GTF2F2: variants seen among roughly 807,000 people sequenced by gnomAD.
GTF2F2 encodes the protein ATP-dependent helicase GTF2F2.
Under a neutral mutation model 42.2 loss-of-function variants are expected in GTF2F2, and 23 were observed. The observed-to-expected ratio is 0.55, with a 90% CI of 0.39 to 0.77. GTF2F2 has a LOEUF of 0.77. Ranked by LOEUF, GTF2F2 falls within the 30% of genes least tolerant of loss-of-function variation. The pLI, the probability that GTF2F2 is intolerant of heterozygous loss-of-function variation, is 0.00. For synonymous variants in GTF2F2, 105 were observed against 100.8 expected, an observed-to-expected ratio of 1.04 and a Z score of -0.25; for missense variants, 261 against 287.2, an observed-to-expected ratio of 0.91 and a Z score of 0.66.
intron 5 of GTF2F2, among the ~76,000 whole-genome samples, chr13:45,218,996 G>A (rs1251097714): frequency 6.6e-6 from 1 of 152,120 alleles, no homozygotes; most frequent in East Asian, 1.9e-4. Context: ...TTTCTAAGTA[G>A]AGAAAGAGAA....
At chr13:45,183,609 G>A (rs2138159279) in intron 4 of GTF2F2, among the ~76,000 whole-genome samples, 1 of 152,194 alleles carries the variant, frequency 6.6e-6, no homozygotes, top group Non-Finnish European at 1.5e-5. Context: ...GTTTAATTTG[G>A]GTGTAGTTGC....
chr13:45,222,220 C>T lies in GTF2F2; in HGVS notation c.386+14715C>T, dbSNP rs191815509. Among the ~76,000 whole-genome samples, 24 of 152,188 alleles carry T rather than the reference C, an allele frequency of 1.6e-4. No individual in the cohort carries two copies. In the East Asian group the frequency reaches 4.2e-3, roughly 27 times the overall value. On this transcript the variant is annotated intron_variant, in intron 5 of 7. Coordinates refer to ENST00000340473, the MANE Select transcript of GTF2F2 (RefSeq NM_004128.3). ...TAGTGCTCAGTAAGTATTCATTGCA[C>T]GAATGAATGTTTATCATAACCTTTT...
chr13:45,155,675 T>C (rs1308351915), intron 4 of GTF2F2, among the ~76,000 whole-genome samples: 1 of 152,216 alleles, frequency 6.6e-6, no homozygotes, highest in African/African-American at 2.4e-5. Context: ...AGTGTTCCTG[T>C]CTGAGAGAAT....
At chr13:45,122,046 A>G (rs1442325102) in intron 1 of GTF2F2, among the ~76,000 whole-genome samples, 1 of 152,182 alleles carries the variant, frequency 6.6e-6, no homozygotes, top group Non-Finnish European at 1.5e-5. Flanking sequence ...AGTGTATACC[A>G]TGGGGAATGG....
At chr13:45,131,211 A>G (rs1346355500) in intron 1 of GTF2F2, among the ~76,000 whole-genome samples, 1 of 141,030 alleles carries the variant, frequency 7.1e-6, no homozygotes. Flanking sequence ...TCAGTCTCAG[A>G]AAAAAAAAAA....
At chr13:45,164,277 C>CA (rs150777733) in intron 4 of GTF2F2, among the ~76,000 whole-genome samples, 2,207 of 117,690 alleles carry the variant, frequency 0.019, 21 homozygotes, top group Non-Finnish European at 0.026. Context: ...GAGACAGTCT[C>CA]AAAAAAAAAA....
intron 4 of GTF2F2, among the ~76,000 whole-genome samples, chr13:45,168,695 C>T (rs1373262070): frequency 6.6e-6 from 1 of 152,068 alleles, no homozygotes; most frequent in Non-Finnish European, 1.5e-5. Context: ...TCATGGCACC[C>T]CCTACCTCTG....
chr13:45,207,417 A>G lies in GTF2F2; in HGVS notation c.305-7A>G, dbSNP rs768640656. ...TATCTCTGAATCCTTTTTTTTTTCC[A>G]TTCAAGATAAGCTGTCATTGGAAGG... On this transcript the variant is annotated splice_polypyrimidine_tract_variant and splice_region_variant and intron_variant, in intron 4 of 7. Coordinates refer to ENST00000340473, the MANE Select transcript of GTF2F2 (RefSeq NM_004128.3). The G allele has an allele frequency of 3.2e-6, 5 of 1,561,456 alleles. No homozygotes were observed. The South Asian group carries it at 4.5e-5, about 14-fold the overall frequency.
chr13:45,122,836 T>A (rs1224186768), intron 1 of GTF2F2, among the ~76,000 whole-genome samples: 2 of 152,216 alleles, frequency 1.3e-5, no homozygotes, highest in Non-Finnish European at 2.9e-5. Flanking sequence ...TCACGGTTTA[T>A]AGATCATCTT....
chr13:45,236,915 A>G (rs1334297525), intron 5 of GTF2F2, among the ~76,000 whole-genome samples: 1 of 152,184 alleles, frequency 6.6e-6, no homozygotes, highest in East Asian at 1.9e-4. Context: ...ATATTGAGAA[A>G]AATAATTTTT....
intron 4 of GTF2F2, among the ~76,000 whole-genome samples, chr13:45,184,553 T>C (rs567136369): frequency 6.6e-6 from 1 of 151,968 alleles, no homozygotes; most frequent in Non-Finnish European, 1.5e-5. Context: ...GTAGCTAGCC[T>C]TTTTTCCCTT....
At chr13:45,129,349 A>G (rs921842676) in intron 1 of GTF2F2, among the ~76,000 whole-genome samples, 3 of 152,156 alleles carry the variant, frequency 2.0e-5, no homozygotes, top group African/African-American at 4.8e-5. Context: ...AGCTGGGACT[A>G]CAGGCACACA....
At chr13:45,173,706 C>T (rs1365165537) in intron 4 of GTF2F2, among the ~76,000 whole-genome samples, 1 of 150,718 alleles carries the variant, frequency 6.6e-6, no homozygotes, top group Non-Finnish European at 1.5e-5. Context: ...CAAGCTCCGC[C>T]TCCCAGGTTC....
chr13:45,150,860 C>T (rs1189367286), intron 3 of GTF2F2, among the ~76,000 whole-genome samples: 2 of 151,994 alleles, frequency 1.3e-5, no homozygotes, highest in Non-Finnish European at 2.9e-5. Flanking sequence ...AATAATCTTA[C>T]TCCTGTTTTG....
At chr13:45,207,073 G>A (rs1275455956) in intron 4 of GTF2F2, 1 of 181,226 alleles carries the variant, frequency 5.5e-6, no homozygotes, top group Non-Finnish European at 1.2e-5. Flanking sequence ...TAGACTAGCT[G>A]TGTTTTCAGA....
intron 2 of GTF2F2, among the ~76,000 whole-genome samples, chr13:45,141,255 A>G (rs1177452550): frequency 2.6e-5 from 4 of 152,230 alleles, no homozygotes; most frequent in African/African-American, 9.6e-5. Flanking sequence ...TCACTAAAGT[A>G]AAATATTAAA....
intron 4 of GTF2F2, among the ~76,000 whole-genome samples, chr13:45,176,537 G>C (rs1001525866): frequency 6.6e-6 from 1 of 152,188 alleles, no homozygotes; most frequent in Non-Finnish European, 1.5e-5. Flanking sequence ...ATAGCCCTTA[G>C]TTATGTGGTT....
Position 45,194,332 on chromosome 13 carries a change from A to G in GTF2F2, c.305-13092A>G, listed in dbSNP as rs752607396. The G allele has an allele frequency of 4.3e-6, 7 of 1,614,060 alleles. No homozygotes were observed. In the South Asian group the frequency reaches 4.4e-5, roughly 10 times the overall value. On this transcript the variant is annotated intron_variant, in intron 4 of 7. Coordinates refer to ENST00000340473, the MANE Select transcript of GTF2F2 (RefSeq NM_004128.3). ...CCTGAAGAGGAGACCATCCCTGTCT[A>G]TGAAATAATGACCATCAGCATCAAA...
intron 5 of GTF2F2, among the ~76,000 whole-genome samples, chr13:45,250,051 CTTTTTTTTTTTTTTT>C (rs780347641): frequency 9.9e-6 from 1 of 100,862 alleles, no homozygotes; most frequent in Non-Finnish European, 1.9e-5. Context: ...TGCCTTATCT[CTTTTTTTTTTTTTTT>C]TTTTTTTTGA....
Sources: allele counts gnomAD v4.1 joint callset (sites outside exome capture counted in the v4.1 genomes callset), GRCh38; gene constraint gnomAD v4.1.1; transcripts MANE v1.5; gene names NCBI Gene and HGNC (gene_info 2026-07-23, HGNC 2026-07-21).